Variants in DAB1 observed in about 807,000 individuals in gnomAD.
DAB1 encodes the protein DAB adaptor protein 1, also known as disabled homolog 1.
In DAB1, 15 loss-of-function variants were observed where a neutral mutation model predicts 64.6. That is an observed-to-expected ratio of 0.23 (90% confidence interval 0.16 to 0.36). The LOEUF (loss-of-function observed/expected upper bound fraction) is 0.36. DAB1 is among the 10% of genes least tolerant of loss of function. DAB1 has a pLI of 1.00. For missense variants in DAB1, 596 were observed against 706.7 expected (o/e 0.84, Z 1.78); for synonymous variants, 235 against 251.9 (o/e 0.93, Z 0.64).
At chr1:57,592,923 T>A (rs1173156709) in intron 7 of DAB1, among the ~76,000 whole-genome samples, 1 of 152,164 alleles carries the variant, frequency 6.6e-6, no homozygotes, top group Non-Finnish European at 1.5e-5. Flanking sequence ...CTTACTTGCC[T>A]CCTACAGGGC....
intron 5 of DAB1, among the ~76,000 whole-genome samples, chr1:58,083,716 T>C (rs918099920): frequency 6.6e-6 from 1 of 152,222 alleles, no homozygotes; most frequent in Admixed American, 6.5e-5. Context: ...ACTTATGCTC[T>C]AGAGAGGAAG....
intron 3 of DAB1, among the ~76,000 whole-genome samples, chr1:58,423,505 A>G (rs1644792474): frequency 6.6e-6 from 1 of 152,140 alleles, no homozygotes; most frequent in African/African-American, 2.4e-5. Flanking sequence ...CCACTTGCCA[A>G]CCGCACCGTC....
intron 7 of DAB1, among the ~76,000 whole-genome samples, chr1:57,568,021 A>G (rs1645144866): frequency 6.6e-6 from 1 of 152,216 alleles, no homozygotes; most frequent in African/African-American, 2.4e-5. Flanking sequence ...CCTGACCTCA[A>G]CCTATACTAT....
At chr1:58,311,970 A>C (rs1193292839) in intron 4 of DAB1, among the ~76,000 whole-genome samples, 3 of 152,204 alleles carry the variant, frequency 2.0e-5, no homozygotes, top group Non-Finnish European at 4.4e-5. Context: ...TTGATGGCAA[A>C]GCAGGGATTC....
At position 57,304,621 on chromosome 1, in the gene DAB1, G is replaced by A. The variant is rs1403777760; in HGVS notation, c.-136-13455C>T. ...GTACCTTACCCATAAGCGTTGCTGAGTAGAATAAATAAGGTAATATATGCA... is the reference window on the plus strand; with the variant it reads ...GTACCTTACCCATAAGCGTTGCTGAATAGAATAAATAAGGTAATATATGCA... On this transcript the variant is annotated intron_variant, in intron 1 of 14. Coordinates refer to ENST00000371236, the MANE Select transcript of DAB1 (RefSeq NM_001365792.1). 2.6e-5 allele frequency among the ~76,000 whole-genome samples: 4 copies of A among 152,274 alleles called. No homozygotes were observed. The South Asian group carries it at 6.2e-4, about 24-fold the overall frequency.
chr1:58,527,485 A>G (rs1646371056), intron 1 of DAB1: 3 of 580,846 alleles, frequency 5.2e-6, no homozygotes, highest in Non-Finnish European at 9.2e-6. Context: ...TCCATGATAT[A>G]AAATATAAAC....
At chr1:57,172,204 G>A (rs1195641859) in intron 2 of DAB1, among the ~76,000 whole-genome samples, 3 of 152,058 alleles carry the variant, frequency 2.0e-5, no homozygotes, top group South Asian at 2.1e-4. Context: ...CTATGACCTC[G>A]TCTTAACTCA....
intron 6 of DAB1, among the ~76,000 whole-genome samples, chr1:57,768,402 G>A (rs887169090): frequency 6.6e-6 from 1 of 151,558 alleles, no homozygotes; most frequent in Non-Finnish European, 1.5e-5. Context: ...CCTGGTATAC[G>A]GTAAGTACTT....
At chr1:58,379,053 G>A (rs1036683830) in intron 3 of DAB1, among the ~76,000 whole-genome samples, 1 of 151,304 alleles carries the variant, frequency 6.6e-6, no homozygotes, top group South Asian at 2.1e-4. Context: ...CATGGTGCGC[G>A]CACCCACTGG....
intron 5 of DAB1, chr1:58,056,215 C>T (rs903063301): frequency 4.6e-6 from 7 of 1,517,064 alleles, no homozygotes; most frequent in Middle Eastern, 2.3e-4. Context: ...GCGGGCTTCA[C>T]GAGATCGATT....
intron 1 of DAB1, chr1:58,534,130 T>C (rs773487263): frequency 1.2e-6 from 1 of 867,448 alleles, no homozygotes; most frequent in South Asian, 1.3e-5. Context: ...ATTTAACAAT[T>C]ACAATGCGTT....
At chr1:57,038,772 C>T (rs1647330536) in intron 9 of DAB1, among the ~76,000 whole-genome samples, 1 of 152,214 alleles carries the variant, frequency 6.6e-6, no homozygotes, top group Admixed American at 6.5e-5. Flanking sequence ...CATCCAGATT[C>T]TTACAAATTA....
At chr1:58,015,551 C>T (rs1260637268) in intron 5 of DAB1, among the ~76,000 whole-genome samples, 1 of 152,256 alleles carries the variant, frequency 6.6e-6, no homozygotes, top group East Asian at 1.9e-4. Flanking sequence ...TGAGCAGGGG[C>T]CCAGCATCCA....
intron 7 of DAB1, among the ~76,000 whole-genome samples, chr1:57,551,172 T>G (rs891655512): frequency 8.5e-5 from 13 of 152,172 alleles, no homozygotes; most frequent in Non-Finnish European, 2.9e-5. Context: ...GCCACTAACA[T>G]TATCTCCCAC....
At chr1:57,029,511 T>G (rs534605593) in intron 9 of DAB1, among the ~76,000 whole-genome samples, 39 of 152,152 alleles carry the variant, frequency 2.6e-4, no homozygotes, top group Non-Finnish European at 4.7e-4. Flanking sequence ...GTAGATCCAC[T>G]GATAGCTTGT....
intron 2 of DAB1, among the ~76,000 whole-genome samples, chr1:57,215,123 G>T (rs1253306679): frequency 6.6e-6 from 1 of 152,134 alleles, no homozygotes; most frequent in Non-Finnish European, 1.5e-5. Flanking sequence ...TTCACCCTGT[G>T]AGAGTCCAGT....
At chr1:58,156,694 G>C (rs1239419336) in intron 4 of DAB1, among the ~76,000 whole-genome samples, 1 of 152,116 alleles carries the variant, frequency 6.6e-6, no homozygotes, top group East Asian at 1.9e-4. Flanking sequence ...TGAAGGAGAA[G>C]GCAGGCTGCA....
At chr1:58,458,073 C>T (rs991551512) in intron 3 of DAB1, among the ~76,000 whole-genome samples, 3 of 152,234 alleles carry the variant, frequency 2.0e-5, no homozygotes, top group African/African-American at 2.4e-5. Flanking sequence ...CCCCTGTCTT[C>T]CCGGAGCACA....
chr1:58,507,776 T>C (rs1218260432), intron 2 of DAB1, among the ~76,000 whole-genome samples: 6 of 152,092 alleles, frequency 3.9e-5, no homozygotes, highest in Admixed American at 3.9e-4. Context: ...CCCAGAGGAC[T>C]ATGCCCCTCA....
Sources: allele counts gnomAD v4.1 joint callset (sites outside exome capture counted in the v4.1 genomes callset), GRCh38; gene constraint gnomAD v4.1.1; transcripts MANE v1.5; gene names NCBI Gene and HGNC (gene_info 2026-07-23, HGNC 2026-07-21).